DNER: variants seen among roughly 807,000 people sequenced by gnomAD.
DNER encodes delta/notch like EGF repeat containing.
A neutral mutation model predicts 78.2 loss-of-function variants in DNER; 33 were observed. The ratio of observed to expected loss-of-function variants is 0.42; its 90% CI spans 0.32 to 0.56. The LOEUF (loss-of-function observed/expected upper bound fraction) is 0.56, where lower values mean the gene tolerates loss of function less well. Among genes scored for constraint, DNER ranks in the 20% least tolerant of loss-of-function variants. DNER has a pLI of 0.11. For missense variants in DNER, 918 were observed against 975.3 expected (o/e 0.94, Z 0.78); for synonymous variants, 417 against 384.8 (o/e 1.08, Z -0.98).
At chr2:229,702,639 C>T (rs947680226) in intron 1 of DNER, among the ~76,000 whole-genome samples, 1 of 150,132 alleles carries the variant, frequency 6.7e-6, no homozygotes. Flanking sequence ...TGGTTCTGGC[C>T]GGGCACGGTG....
chr2:229,490,665 G>A (rs1362594754), intron 6 of DNER, among the ~76,000 whole-genome samples: 1 of 152,082 alleles, frequency 6.6e-6, no homozygotes, highest in East Asian at 1.9e-4. Context: ...TGATTATGGT[G>A]ATGACTGCAC....
intron 10 of DNER, among the ~76,000 whole-genome samples, chr2:229,397,474 A>AAAAAAAAAAAAAAAAAG (rs900805435): frequency 2.0e-5 from 3 of 149,680 alleles, no homozygotes; most frequent in African/African-American, 7.5e-5. Context: ...AAAAAAAAAA[A>AAAAAAAAAAAAAAAAAG]AAAAACTGCA....
chr2:229,410,409 C>T (rs1033674583), intron 9 of DNER, among the ~76,000 whole-genome samples: 18 of 152,156 alleles, frequency 1.2e-4, no homozygotes, highest in African/African-American at 4.3e-4. Flanking sequence ...TCAAGAGGGG[C>T]GACAGCCAGT....
rs1697617145 is a variant in DNER at position 229,591,980 on chromosome 2, T to C, written c.277-92A>G. 7.1e-7 allele frequency: 1 copy of C among 1,410,694 alleles called. No homozygotes were observed. The highest frequency in any genetic ancestry group is 9.3e-7 in the Non-Finnish European group (1 of 1,075,576). 87.4% of individuals were successfully genotyped at this position (1,410,694 alleles called of 1,614,324 possible). On this transcript the variant is annotated intron_variant, in intron 1 of 12. Transcript: ENST00000341772. This position sits in a 1 kb window ranked among gnomAD's most constrained non-coding sequence, Gnocchi z 4.6. ...TAGCTCTGTGTCTCAGAGCGACTGC[T>C]GTAATGGAAATGCTGTTCCTGTGGA...
chr2:229,555,437 T>G (rs1696838698), intron 4 of DNER, among the ~76,000 whole-genome samples: 1 of 152,186 alleles, frequency 6.6e-6, no homozygotes, highest in African/African-American at 2.4e-5. Context: ...CTTCCAGTCT[T>G]ACAGCCATTG....
intron 4 of DNER, among the ~76,000 whole-genome samples, chr2:229,564,623 T>C (rs1193217607): frequency 6.8e-6 from 1 of 147,414 alleles, no homozygotes; most frequent in Middle Eastern, 3.2e-3. Context: ...ATCACCATCA[T>C]CATCCTCATC....
intron 7 of DNER, among the ~76,000 whole-genome samples, chr2:229,452,031 A>G (rs1288952964): frequency 6.6e-6 from 1 of 152,216 alleles, no homozygotes; most frequent in East Asian, 1.9e-4. Context: ...CAGAAAATGA[A>G]TAATAATGAG....
intron 5 of DNER, among the ~76,000 whole-genome samples, chr2:229,537,199 C>T (rs1256868155): frequency 6.6e-6 from 1 of 152,052 alleles, no homozygotes; most frequent in African/African-American, 2.4e-5. Context: ...GAATGCTGCA[C>T]CAAAATGCCA....
intron 1 of DNER, among the ~76,000 whole-genome samples, chr2:229,651,196 G>T (rs1360034797): frequency 6.6e-6 from 1 of 152,106 alleles, no homozygotes; most frequent in East Asian, 1.9e-4. Flanking sequence ...TTGAGCAGCT[G>T]GTTGCTCAGT....
chr2:229,688,105 A>G (rs569461879), intron 1 of DNER, among the ~76,000 whole-genome samples: 35 of 152,338 alleles, frequency 2.3e-4, no homozygotes, highest in African/African-American at 8.4e-4. Context: ...ACTTCACCAG[A>G]GAAGTACAAT....
At chr2:229,386,183 T>C (rs1692859719) in intron 11 of DNER, among the ~76,000 whole-genome samples, 1 of 152,230 alleles carries the variant, frequency 6.6e-6, no homozygotes, top group Admixed American at 6.5e-5. Flanking sequence ...TACAACCATC[T>C]GATCTTTGAT....
chr2:229,513,131 G>A (rs1197223461), intron 5 of DNER, among the ~76,000 whole-genome samples, 195 bp from the exon 6 acceptor site: 2 of 152,048 alleles, frequency 1.3e-5, no homozygotes, highest in African/African-American at 2.4e-5. Flanking sequence ...TCTCAAACAC[G>A]TTTTTCTATT....
intron 4 of DNER, among the ~76,000 whole-genome samples, chr2:229,548,739 T>A (rs1032330782): frequency 4.6e-5 from 7 of 152,020 alleles, no homozygotes; most frequent in Non-Finnish European, 8.8e-5. Context: ...ACTTAAAGTA[T>A]AATAAAAAAT....
At chr2:229,576,480 C>G (rs1275935900) in intron 4 of DNER, among the ~76,000 whole-genome samples, 2 of 152,258 alleles carry the variant, frequency 1.3e-5, no homozygotes, top group Non-Finnish European at 2.9e-5. Flanking sequence ...ATTTTCTTCA[C>G]ATGGCATTAG....
At chr2:229,662,388 A>C (rs1273368643) in intron 1 of DNER, among the ~76,000 whole-genome samples, 3 of 152,236 alleles carry the variant, frequency 2.0e-5, no homozygotes, top group Admixed American at 6.5e-5. Context: ...ATTATTTGTT[A>C]GGTACTATTC....
chr2:229,685,060 A>G (rs1699461474), intron 1 of DNER, among the ~76,000 whole-genome samples: 1 of 152,176 alleles, frequency 6.6e-6, no homozygotes, highest in Non-Finnish European at 1.5e-5. Flanking sequence ...GCATGTTTTT[A>G]TCTTTGTTGA....
rs751095162 is a variant in DNER at position 229,447,555 on chromosome 2, A to G, written c.1262-15T>C. On this transcript the variant is annotated splice_polypyrimidine_tract_variant and intron_variant, in intron 7 of 12. Transcript: ENST00000341772. ...TCCGAAGTATCCTGTGAAAAAACAC[A>G]TGAGAGCTTAAAAAAACTAAAACAC... The G allele has an allele frequency of 6.2e-6, 10 of 1,610,254 alleles. No individual in the cohort carries two copies. Among genetic ancestry groups the G allele is most frequent in the South Asian group, 1.1e-5 (1 of 90,512 alleles).
intron 11 of DNER, among the ~76,000 whole-genome samples, chr2:229,368,091 G>C (rs921760091): frequency 6.6e-6 from 1 of 152,106 alleles, no homozygotes; most frequent in African/African-American, 2.4e-5. Context: ...GCTGGGCATG[G>C]TGGCTCATGC....
intron 4 of DNER, among the ~76,000 whole-genome samples, chr2:229,564,542 T>C (rs1051132291): frequency 2.0e-5 from 3 of 147,380 alleles, no homozygotes; most frequent in African/African-American, 7.6e-5. Context: ...ATCATCATCA[T>C]CATCCTCACC....
Sources: gnomAD v4.1 joint callset for allele counts (sites outside exome capture counted in the v4.1 genomes callset) on GRCh38, gnomAD v4.1.1 for gene constraint, Gnocchi (gnomAD v3.1) non-coding constraint, MANE v1.5 for transcripts, NCBI Gene and HGNC (gene_info 2026-07-23, HGNC 2026-07-21) for gene names.